ASCC3: variants seen among roughly 807,000 people sequenced by gnomAD.
The protein encoded by ASCC3 is ASC-1 complex subunit P200.
In ASCC3, 158 loss-of-function variants were observed where a neutral mutation model predicts 256.3. That is an observed-to-expected ratio of 0.62 (90% CI 0.54 to 0.70). The LOEUF (loss-of-function observed/expected upper bound fraction) is 0.70, where lower values mean the gene tolerates loss of function less well. Among genes scored for constraint, ASCC3 ranks in the 30% least tolerant of loss-of-function variants. The pLI, the probability that ASCC3 is intolerant of heterozygous loss-of-function variation, is 0.00. For synonymous variants in ASCC3, 948 were observed against 883.4 expected (o/e 1.07, Z -1.30); for missense variants, 2,259 against 2,626.0 (o/e 0.86, Z 3.05).
chr6:100,527,427 G>C (rs1409713233), intron 37 of ASCC3, among the ~76,000 whole-genome samples: 1 of 152,044 alleles, frequency 6.6e-6, no homozygotes, highest in African/African-American at 2.4e-5. Context: ...TTGCATTAAG[G>C]GTTTCACCAA....
chr6:100,725,265 T>C (rs1483413998), intron 11 of ASCC3, among the ~76,000 whole-genome samples: 1 of 151,940 alleles, frequency 6.6e-6, no homozygotes, highest in Non-Finnish European at 1.5e-5. Context: ...TTCTAAGATA[T>C]CCTGTCTTTT....
rs570455379 is a variant in ASCC3 at position 100,870,645 on chromosome 6, A to G, written c.-41-2607T>C. On this transcript the variant is annotated intron_variant, in intron 1 of 41. Transcript: ENST00000369162. ...AAAACAGTTGGACTCTCTACATCACATTGGAGAATTTTAAACAGAGAAGTC... is the reference window on the plus strand; with the variant it reads ...AAAACAGTTGGACTCTCTACATCACGTTGGAGAATTTTAAACAGAGAAGTC... Among the ~76,000 whole-genome samples the G allele has an allele frequency of 2.6e-5, 4 of 152,334 alleles. No individual in the cohort carries two copies. The South Asian group carries it at 8.3e-4, about 32-fold the overall frequency.
chr6:100,861,411 T>C (rs1773217863), intron 3 of ASCC3, among the ~76,000 whole-genome samples: 1 of 152,184 alleles, frequency 6.6e-6, no homozygotes, highest in African/African-American at 2.4e-5. Flanking sequence ...TTTTTCTTTA[T>C]TCTCTTGCTT....
chr6:100,538,083 C>T (rs1775256086), intron 37 of ASCC3, among the ~76,000 whole-genome samples: 1 of 151,860 alleles, frequency 6.6e-6, no homozygotes, highest in African/African-American at 2.4e-5. Context: ...ACTGATCACG[C>T]AATATAGGTT....
At chr6:100,553,671 C>G (rs968505592) in intron 36 of ASCC3, among the ~76,000 whole-genome samples, 1 of 152,140 alleles carries the variant, frequency 6.6e-6, no homozygotes, top group Admixed American at 6.5e-5. Flanking sequence ...CTGCTTGTAA[C>G]CCCCTGCTAC....
intron 8 of ASCC3, among the ~76,000 whole-genome samples, chr6:100,782,905 A>G (rs1277652063): frequency 2.6e-5 from 4 of 152,108 alleles, no homozygotes; most frequent in Non-Finnish European, 5.9e-5. Context: ...TACACTGCTT[A>G]TTAATGAAAG....
At chr6:100,860,734 A>T (rs944259027) in intron 3 of ASCC3, among the ~76,000 whole-genome samples, 1 of 152,080 alleles carries the variant, frequency 6.6e-6, no homozygotes, top group African/African-American at 2.4e-5. Flanking sequence ...ATAAGTATGT[A>T]TAACAGGACA....
At chr6:100,550,120 G>A (rs183238865) in intron 36 of ASCC3, among the ~76,000 whole-genome samples, 8 of 151,990 alleles carry the variant, frequency 5.3e-5, no homozygotes, top group Admixed American at 2.6e-4. Flanking sequence ...CAGATAGTTC[G>A]GTGGAGGTGG....
chr6:100,608,424 T>A (rs111218840), intron 30 of ASCC3, among the ~76,000 whole-genome samples: 23 of 60,928 alleles, frequency 3.8e-4, no homozygotes, highest in African/African-American at 6.0e-4. Context: ...TTATATATAT[T>A]TTATATATAT....
At chr6:100,730,799 G>A (rs778700946) in intron 10 of ASCC3, among the ~76,000 whole-genome samples, 3 of 152,106 alleles carry the variant, frequency 2.0e-5, no homozygotes, top group Admixed American at 1.3e-4. Context: ...CAACAAATCA[G>A]TTAGTTCCAC....
chr6:100,658,603 T>C (rs1045572079), intron 16 of ASCC3, among the ~76,000 whole-genome samples: 1 of 151,490 alleles, frequency 6.6e-6, no homozygotes. Flanking sequence ...TATCATTTAC[T>C]GTAAACTACC....
chr6:100,536,036 A>G (rs1391854158), intron 37 of ASCC3, among the ~76,000 whole-genome samples: 2 of 152,204 alleles, frequency 1.3e-5, no homozygotes, highest in African/African-American at 4.8e-5. Flanking sequence ...AGATATTTCT[A>G]TAAGAAAAAA....
intron 25 of ASCC3, among the ~76,000 whole-genome samples, chr6:100,633,906 G>T (rs1197170769): frequency 6.6e-6 from 1 of 151,682 alleles, no homozygotes; most frequent in Non-Finnish European, 1.5e-5. Context: ...AGAAATTTGT[G>T]CCAGTTTTGA....
chr6:100,643,419 AT>A (rs1231977377), intron 23 of ASCC3, among the ~76,000 whole-genome samples: 11 of 152,112 alleles, frequency 7.2e-5, no homozygotes, highest in Admixed American at 5.2e-4. Flanking sequence ...GATCCTACCT[AT>A]TTTACATATT....
intron 34 of ASCC3, among the ~76,000 whole-genome samples, chr6:100,594,042 A>C (rs531270718): frequency 2.5e-4 from 38 of 152,226 alleles, no homozygotes; most frequent in African/African-American, 8.9e-4. Flanking sequence ...CAAGAATATA[A>C]ATAGACATAT....
chr6:100,730,259 T>A (rs58745408), intron 10 of ASCC3, among the ~76,000 whole-genome samples: 15 of 151,698 alleles, frequency 9.9e-5, no homozygotes, highest in African/African-American at 3.6e-4. Flanking sequence ...ATCATGCCAC[T>A]GCACTCCAGC....
chr6:100,752,878 T>C (rs956275604), intron 10 of ASCC3, among the ~76,000 whole-genome samples: 2 of 152,018 alleles, frequency 1.3e-5, no homozygotes, highest in Admixed American at 1.3e-4. Context: ...AGAGTAAGTA[T>C]GAAAAAAGGA....
intron 13 of ASCC3, among the ~76,000 whole-genome samples, chr6:100,692,278 G>A (rs1227997284): frequency 6.6e-6 from 1 of 151,894 alleles, no homozygotes; most frequent in Non-Finnish European, 1.5e-5. Flanking sequence ...GTTTTTCATG[G>A]TTTGACACTA....
chr6:100,805,146 C>A (rs1770108532), intron 5 of ASCC3, among the ~76,000 whole-genome samples: 1 of 152,156 alleles, frequency 6.6e-6, no homozygotes, highest in African/African-American at 2.4e-5. Context: ...TACATAACAG[C>A]TGTCATTTTA....
Sources: allele counts gnomAD v4.1 joint callset (sites outside exome capture counted in the v4.1 genomes callset), GRCh38; gene constraint gnomAD v4.1.1; transcripts MANE v1.5; gene names NCBI Gene and HGNC (gene_info 2026-07-23, HGNC 2026-07-21).